The following ZIC4 variants were observed in gnomAD, a reference collection of about 807,000 sequenced individuals.
ZIC4 encodes zinc finger protein ZIC 4.
ZIC4 carries 15 observed loss-of-function variants against 28.8 expected under a neutral mutation model. That is an observed-to-expected ratio of 0.52 (90% CI 0.35 to 0.80). ZIC4 has a LOEUF of 0.80. Ranked by LOEUF, ZIC4 falls within the 30% of genes least tolerant of loss-of-function variation. ZIC4 has a pLI of 0.01. For missense variants in ZIC4, 512 were observed against 467.1 expected, an observed-to-expected ratio of 1.10 and a Z score of -0.89; for synonymous variants, 220 against 198.1, an observed-to-expected ratio of 1.11 and a Z score of -0.93.
chr3:147,392,310 G>T, intron 3 of ZIC4: 1 of 985,776 alleles, frequency 1.0e-6, no homozygotes, highest in African/African-American at 1.7e-5. Context: ...GCTGGCATAG[G>T]CCGGGGAGGG....
rs182356616 is a variant in ZIC4, at chr3:147,396,292, G to A, written c.248C>T (p.Ala83Val). ...AGCTGCCAGGGCGTCGCTGCGGGCC[G>A]CAGGCCCTGGCGGGAAGGGCTCCGG... ...ARPEPFPPGP[A>V]ARSDALAAAA... is the part of the protein sequence containing the mutation. Residue 83 changes from alanine to valine, a missense_variant, in exon 3 of 5, where the codon GCG becomes GTG. Coordinates refer to ENST00000383075, the MANE Select transcript of ZIC4 (RefSeq NM_032153.6). This position sits in a 1 kb window ranked among gnomAD's most constrained non-coding sequence, Gnocchi z 4.2. 455 of 1,606,048 alleles carry A rather than the reference G, an allele frequency of 2.8e-4. 2 individuals carry two copies. The African/African-American group carries it at 5.1e-3, about 18-fold the overall frequency.
chr3:147,396,142 A>G lies in ZIC4; in HGVS notation c.398T>C (p.Leu133Pro). The stretch of plus-strand genomic sequence containing the variant: ...CGGGGTCGCGGTGCCGTCGGCCGCC[A>G]GCCACTTGCAGATGAGCTCCTGTTT... ...PIKQELICKW[L>P]AADGTATPSL... is the part of the protein sequence containing the mutation. Residue 133 changes from leucine to proline, a missense_variant, in exon 3 of 5, where the codon CTG becomes CCG. Coordinates refer to ENST00000383075, the MANE Select transcript of ZIC4 (RefSeq NM_032153.6). This position sits in a 1 kb window ranked among gnomAD's most constrained non-coding sequence, Gnocchi z 4.2. 6.2e-7 allele frequency: 1 copy of G among 1,614,110 alleles called. No homozygotes were observed. Among genetic ancestry groups the G allele is most frequent in the East Asian group, 2.2e-5 (1 of 44,856 alleles).
chr3:147,386,230 C>T lies in ZIC4; in HGVS notation c.*2629G>A, dbSNP rs955820066. On this transcript the variant is annotated 3_prime_UTR_variant, in exon 5 of 5. Transcript: ENST00000383075. ...TGTTCATTCAACAATCACTTTCAGT[C>T]AAACAACTTTTATTTTCAAGTTAGT... The T allele has an allele frequency of 2.6e-5, 4 of 152,206 alleles. No homozygotes were observed. The highest frequency in any genetic ancestry group is 6.5e-5 in the Admixed American group (1 of 15,280). 9.4% of individuals were successfully genotyped at this position (152,206 alleles called of 1,614,324 possible). A position where few individuals can be genotyped will look rare whatever the true frequency, so the allele number is the denominator to read the frequency against.
rs553219990 is a variant in ZIC4, at chr3:147,386,046, T to G, written c.*2813A>C. ...AAGAAACAATAACAGGACACCAGGA[T>G]TCAAAAGAGGAAGAGAAACATCACA... On this transcript the variant is annotated 3_prime_UTR_variant, in exon 5 of 5. Transcript: ENST00000383075. The G allele has an allele frequency of 9.2e-5, 14 of 152,226 alleles. No homozygotes were observed. The highest frequency in any genetic ancestry group is 1.9e-4 in the Non-Finnish European group (13 of 68,018). The allele number at this position is 152,226 out of a possible 1,614,324, so 9.4% of individuals were successfully genotyped here. A position where few individuals can be genotyped will look rare whatever the true frequency, so the allele number is the denominator to read the frequency against.
chr3:147,400,510 T>G (rs1188422377), intron 2 of ZIC4, among the ~76,000 whole-genome samples: 2 of 152,116 alleles, frequency 1.3e-5, no homozygotes, highest in East Asian at 3.9e-4. Context: ...TAGCCAGGGG[T>G]CAGTAGACCT....
intron 3 of ZIC4, chr3:147,393,481 G>GC (rs2086971122): frequency 6.0e-6 from 1 of 167,984 alleles, no homozygotes; most frequent in African/African-American, 2.4e-5. Flanking sequence ...GTTGGGCTAG[G>GC]CCCCTGCAGC....
chr3:147,392,236 G>A (rs2086941044), intron 3 of ZIC4: 2 of 985,636 alleles, frequency 2.0e-6, no homozygotes, highest in Non-Finnish European at 1.2e-6. Context: ...CTGCGGCTTC[G>A]GGAAGAAAAC....
Position 147,386,559 on chromosome 3 carries a change from T to G in ZIC4, c.*2300A>C, listed in dbSNP as rs1369983688. On this transcript the variant is annotated 3_prime_UTR_variant, in exon 5 of 5. Transcript: ENST00000383075. Reference sequence around the variant, plus strand: ...TTGGAAAAACTTCTTTACAAGCCATTTATTCAGCACACACAGAGTAGGGGG... The same window carrying G: ...TTGGAAAAACTTCTTTACAAGCCATGTATTCAGCACACACAGAGTAGGGGG... 2 of 152,652 alleles carry G rather than the reference T, an allele frequency of 1.3e-5. No homozygotes were observed. The highest frequency in any genetic ancestry group is 4.8e-5 in the African/African-American group (2 of 41,472). 9.5% of individuals were successfully genotyped at this position (152,652 alleles called of 1,614,324 possible).
At chr3:147,404,330 GCAAA>G in intron 1 of ZIC4, 1 of 1,309,930 alleles carries the variant, frequency 7.6e-7, no homozygotes, top group Middle Eastern at 2.9e-4. Context: ...CCATAGACAT[GCAAA>G]CAAATATTGC....
rs1222766086 is a variant in ZIC4, at chr3:147,396,014, C to T, written c.526G>A (p.Glu176Lys). The change falls in exon 3 of 5, where the codon GAG becomes AAG. Residue 176 changes from glutamate to lysine, a missense_variant. Around this residue, in one of 3 missense-constraint regions of ZIC4, gnomAD observed 310 missense variants for 256.5 expected, o/e 1.21. Coordinates refer to ENST00000383075, the MANE Select transcript of ZIC4 (RefSeq NM_032153.6). This position sits in a 1 kb window ranked among gnomAD's most constrained non-coding sequence, Gnocchi z 4.2. ...PEQANHICFWEECPRQGKPFK... is the reference protein window; with the variant it reads ...PEQANHICFWKECPRQGKPFK... ...GGCTTTCCCTGGCGCGGACACTCCTCCCAGAAGCAAATGTGGTTGGCCTGT... is the reference window on the plus strand; with the variant it reads ...GGCTTTCCCTGGCGCGGACACTCCTTCCAGAAGCAAATGTGGTTGGCCTGT... 4 of 1,614,256 alleles carry T rather than the reference C, an allele frequency of 2.5e-6. No individual in the cohort carries two copies. Among genetic ancestry groups the T allele is most frequent in the Non-Finnish European group, 3.4e-6 (4 of 1,180,054 alleles).
Position 147,395,992 on chromosome 3 carries a change from T to C in ZIC4, c.548A>G (p.Lys183Arg). 6.2e-7 allele frequency: 1 copy of C among 1,614,260 alleles called. No homozygotes were observed. Among genetic ancestry groups the C allele is most frequent in the East Asian group, 2.2e-5 (1 of 44,874 alleles). ...AAGTTTGTATTTGGCTTTGAAGGGC[T>C]TTCCCTGGCGCGGACACTCCTCCCA... ...CFWEECPRQG[K>R]PFKAKYKLVN... The change falls in exon 3 of 5, where the codon AAG becomes AGG. Residue 183 changes from lysine to arginine, a missense_variant. Physicochemically the swap from Lys to Arg is conservative, Grantham distance 26. Coordinates refer to ENST00000383075, the MANE Select transcript of ZIC4 (RefSeq NM_032153.6).
Position 147,406,516 on chromosome 3 carries a change from G to A in ZIC4, c.-169C>T, listed in dbSNP as rs891008552. 1 of 152,552 alleles carries A rather than the reference G, an allele frequency of 6.6e-6. No individual in the cohort carries two copies. Among genetic ancestry groups the A allele is most frequent in the African/African-American group, 2.4e-5 (1 of 41,408 alleles). 9.4% of individuals were successfully genotyped at this position (152,552 alleles called of 1,614,324 possible). On this transcript the variant is annotated 5_prime_UTR_variant, in exon 1 of 5. Transcript: ENST00000383075. ...TTTCCAGCTTTCAGGAAGCAGTTAG[G>A]GAATGTATGATGAAGCAGAAATGAG...
intron 1 of ZIC4, chr3:147,403,876 C>A: frequency 7.6e-7 from 1 of 1,313,792 alleles, no homozygotes; most frequent in Non-Finnish European, 1.0e-6. Flanking sequence ...CAACGTCCAA[C>A]CAGAATTCCA....
chr3:147,402,665 AAAAAG>A, intron 2 of ZIC4, 58 bp downstream of exon 2: 2 of 1,464,660 alleles, frequency 1.4e-6, no homozygotes, highest in Non-Finnish European at 1.9e-6. Flanking sequence ...CTTAAAAAAA[AAAAAG>A]AAGAAGAAGA....
intron 4 of ZIC4, 73 bp from the exon 5 acceptor site, chr3:147,388,932 G>A (rs1485840932): frequency 3.9e-6 from 3 of 767,826 alleles, no homozygotes; most frequent in East Asian, 2.4e-5. Context: ...CATTATTTTA[G>A]ATTGAGATAG....
chr3:147,405,798 C>T (rs1310479367), intron 1 of ZIC4: 1 of 402,472 alleles, frequency 2.5e-6, no homozygotes, highest in South Asian at 2.6e-5. Flanking sequence ...CAGGTTGGGG[C>T]GGAGAAGTTC....
At position 147,396,197 on chromosome 3, in the gene ZIC4, C is replaced by T. The variant is rs1318031311; in HGVS notation, c.343G>A (p.Ala115Thr). 2 of 1,614,076 alleles carry T rather than the reference C, an allele frequency of 1.2e-6. No homozygotes were observed. The highest frequency in any genetic ancestry group is 1.7e-6 in the Non-Finnish European group (2 of 1,179,998). Reference sequence around the variant, plus strand: ...GGCTGGCGCATGTAGCGGAAGAAAGCGCCAGGACCGTGGGGCGCAGCGAGG... The same window carrying T: ...GGCTGGCGCATGTAGCGGAAGAAAGTGCCAGGACCGTGGGGCGCAGCGAGG... The part of the protein sequence containing the change: ...VNLAAPHGPG[A>T]FFRYMRQPIK... The change falls in exon 3 of 5, where the codon GCT (alanine) becomes ACT (threonine). Residue 115 changes from alanine (A) to threonine (T), a missense_variant. This residue lies in a region of ZIC4 where 310 missense variants were observed against 256.5 expected (regional missense o/e 1.21). Transcript: ENST00000383075. This position sits in a 1 kb window ranked among gnomAD's most constrained non-coding sequence, Gnocchi z 4.2.
At position 147,395,829 on chromosome 3, in the gene ZIC4, G is replaced by C. The variant is rs1265081653; in HGVS notation, c.688+23C>G. 1.9e-6 allele frequency: 3 copies of C among 1,591,486 alleles called. No homozygotes were observed. The African/African-American group carries it at 4.0e-5, about 21-fold the overall frequency. Reference sequence around the variant, plus strand: ...CTGCTTCCCCAGAGGGTCCGCACGCGACAGACAGCGCCGAATACTGACCTG... The same window carrying C: ...CTGCTTCCCCAGAGGGTCCGCACGCCACAGACAGCGCCGAATACTGACCTG... On this transcript the variant is annotated intron_variant, in intron 3 of 4. Coordinates refer to ENST00000383075, the MANE Select transcript of ZIC4 (RefSeq NM_032153.6).
intron 2 of ZIC4, among the ~76,000 whole-genome samples, chr3:147,401,145 C>T (rs1050145398): frequency 1.6e-4 from 24 of 152,156 alleles, no homozygotes; most frequent in African/African-American, 4.8e-4. Context: ...CAGAATCATG[C>T]CCTAAGCACT....
Sources: allele counts gnomAD v4.1 joint callset (sites outside exome capture counted in the v4.1 genomes callset), GRCh38; gene constraint gnomAD v4.1.1; regional missense constraint gnomAD v4.1.1; non-coding constraint Gnocchi (gnomAD v3.1); transcripts MANE v1.5; gene names NCBI Gene and HGNC (gene_info 2026-07-23, HGNC 2026-07-21).